Variants in WWOX observed in about 807,000 individuals in gnomAD.
The protein encoded by WWOX is WW domain containing oxidoreductase.
In WWOX, 69 loss-of-function variants were observed where a neutral mutation model predicts 46.2. The observed-to-expected ratio is 1.49, with a 90% confidence interval of 1.23 to 1.82. The LOEUF is 1.82. WWOX is among the 40% of genes most tolerant of loss of function. The pLI, the probability that WWOX is intolerant of heterozygous loss-of-function variation, is 0.00. For missense variants in WWOX, 919 were observed against 542.6 expected, an observed-to-expected ratio of 1.69 and a Z score of -6.89; for synonymous variants, 359 against 202.6, an observed-to-expected ratio of 1.77 and a Z score of -6.56.
At chr16:78,371,280 CTTT>C (rs1238632123) in intron 5 of WWOX, among the ~76,000 whole-genome samples, 2 of 152,136 alleles carry the variant, frequency 1.3e-5, no homozygotes, top group East Asian at 1.9e-4. Context: ...ATGGATATAA[CTTT>C]TTTAAGATGA....
intron 8 of WWOX, among the ~76,000 whole-genome samples, chr16:78,755,858 C>T (rs60462427): frequency 0.015 from 2,237 of 152,308 alleles, 48 homozygotes; most frequent in African/African-American, 0.05. Context: ...TTTTTCTCCT[C>T]CTCTATGCAC....
intron 8 of WWOX, among the ~76,000 whole-genome samples, chr16:78,755,173 G>A (rs1245744250): frequency 6.6e-6 from 1 of 150,852 alleles, no homozygotes; most frequent in Non-Finnish European, 1.5e-5. Context: ...TATGTAACAA[G>A]GCTGCATGTT....
intron 8 of WWOX, among the ~76,000 whole-genome samples, chr16:78,813,161 A>C (rs2051235530): frequency 6.6e-6 from 1 of 151,806 alleles, no homozygotes; most frequent in Admixed American, 6.6e-5. Flanking sequence ...AAAATTCAGC[A>C]TCTCAAATGT....
chr16:78,702,007 TTATATATATATATATATATA>T lies in WWOX; in HGVS notation c.1056+269274_1056+269293del, dbSNP rs869227421. ...GGAGACTAGCCTGGGCTACATAAAATTATATATATATATATATATATATATATATATATATATAAAATAAT... is the reference window on the plus strand; with the variant it reads ...GGAGACTAGCCTGGGCTACATAAAATTATATATATATATATATAAAATAAT... On this transcript the variant is annotated intron_variant, in intron 8 of 8. Transcript: ENST00000566780. Among the ~76,000 whole-genome samples the T allele has an allele frequency of 8.5e-4, 49 of 57,626 alleles. No homozygotes were observed. The South Asian group carries it at 0.011, about 13-fold the overall frequency. 37.8% of individuals were successfully genotyped at this position (57,626 alleles called of 152,430 possible). A position where few individuals can be genotyped will look rare whatever the true frequency, so the allele number is the denominator to read the frequency against.
At chr16:78,909,205 G>A (rs938421625) in intron 8 of WWOX, among the ~76,000 whole-genome samples, 1 of 152,168 alleles carries the variant, frequency 6.6e-6, no homozygotes, top group South Asian at 2.1e-4. Context: ...TGCAAAGGCT[G>A]TTTTAATAAC....
intron 8 of WWOX, among the ~76,000 whole-genome samples, chr16:78,845,021 G>A (rs1035395820): frequency 6.6e-6 from 1 of 152,148 alleles, no homozygotes. Flanking sequence ...CGGACACAGC[G>A]CAGTGAAGCG....
intron 8 of WWOX, among the ~76,000 whole-genome samples, chr16:78,465,878 CA>C: frequency 6.6e-6 from 1 of 152,110 alleles, no homozygotes; most frequent in Non-Finnish European, 1.5e-5. Context: ...GAGACTAACA[CA>C]TTAAACACTA....
chr16:78,456,867 G>A (rs961337710), intron 8 of WWOX, among the ~76,000 whole-genome samples: 15 of 152,214 alleles, frequency 9.9e-5, no homozygotes, highest in African/African-American at 3.6e-4. Context: ...AATTTGCAAT[G>A]CATCAGATGA....
chr16:78,492,123 G>A (rs893903336), intron 8 of WWOX, among the ~76,000 whole-genome samples: 24 of 152,272 alleles, frequency 1.6e-4, no homozygotes, highest in Non-Finnish European at 2.5e-4. Context: ...CACATGACAA[G>A]TAAATGAGCA....
At chr16:78,907,902 C>G (rs1053997157) in intron 8 of WWOX, among the ~76,000 whole-genome samples, 1 of 152,090 alleles carries the variant, frequency 6.6e-6, no homozygotes, top group South Asian at 2.1e-4. Flanking sequence ...ATGAATTCAC[C>G]AACTGCAAGG....
In WWOX at chr16:78,536,291, C is replaced by T. The variant is rs781733450; in HGVS notation, c.1056+103539C>T. Among the ~76,000 whole-genome samples, 70 of 151,964 alleles carry T rather than the reference C, an allele frequency of 4.6e-4. 1 individual carries two copies. Among genetic ancestry groups the T allele is most frequent in the Non-Finnish European group, 6.0e-4 (41 of 68,008 alleles). ...TTTAACCAAAGGTTGATTGGAGGGTCTGAGTTTCTCAGCTAAATGAAGGCA... is the reference window on the plus strand; with the variant it reads ...TTTAACCAAAGGTTGATTGGAGGGTTTGAGTTTCTCAGCTAAATGAAGGCA... On this transcript the variant is annotated intron_variant, in intron 8 of 8. Transcript: ENST00000566780.
chr16:78,302,169 C>G (rs2080053140), intron 5 of WWOX, among the ~76,000 whole-genome samples: 2 of 152,024 alleles, frequency 1.3e-5, no homozygotes, highest in Admixed American at 1.3e-4. Flanking sequence ...CCATGTTGGC[C>G]AGGCTGGTCT....
chr16:78,833,631 T>C (rs967543592), intron 8 of WWOX, among the ~76,000 whole-genome samples: 9 of 152,258 alleles, frequency 5.9e-5, no homozygotes, highest in Non-Finnish European at 1.0e-4. Context: ...TTCCTTTCTC[T>C]TGTGCATTAC....
intron 8 of WWOX, among the ~76,000 whole-genome samples, chr16:78,839,898 G>A (rs1187180687): frequency 6.6e-6 from 1 of 152,160 alleles, no homozygotes; most frequent in Non-Finnish European, 1.5e-5. Context: ...GAAGCCTTCA[G>A]GCAGGTAAGC....
chr16:78,917,912 G>A (rs1339332164), intron 8 of WWOX, among the ~76,000 whole-genome samples: 1 of 152,154 alleles, frequency 6.6e-6, no homozygotes. Flanking sequence ...TTAAGAAATT[G>A]TCATATAGGC....
intron 8 of WWOX, among the ~76,000 whole-genome samples, chr16:78,769,530 A>C (rs1181595648): frequency 1.5e-4 from 16 of 103,902 alleles, no homozygotes; most frequent in Admixed American, 2.2e-4. Flanking sequence ...CACCCCCCAC[A>C]TTATTTATTT....
At chr16:78,993,502 C>G (rs947155985) in intron 8 of WWOX, among the ~76,000 whole-genome samples, 1 of 152,144 alleles carries the variant, frequency 6.6e-6, no homozygotes, top group East Asian at 1.9e-4. Flanking sequence ...AATGACTAAT[C>G]AGCACGCAGG....
At chr16:79,113,953 C>T (rs1460485682) in intron 8 of WWOX, among the ~76,000 whole-genome samples, 3 of 152,174 alleles carry the variant, frequency 2.0e-5, no homozygotes, top group African/African-American at 7.2e-5. Flanking sequence ...CCAGCCACAA[C>T]GTGTTCTTGA....
chr16:78,573,112 C>T lies in WWOX; in HGVS notation c.1056+140360C>T, dbSNP rs1304270811. On this transcript the variant is annotated intron_variant, in intron 8 of 8. Coordinates refer to ENST00000566780, the MANE Select transcript of WWOX (RefSeq NM_016373.4). ...CACCCTGGCTAACATGATGAAACCC[C>T]GTCTGTACCAAAAATACAAAAAATT... Among the ~76,000 whole-genome samples the T allele has an allele frequency of 3.9e-5, 6 of 152,016 alleles. No homozygotes were observed. In the South Asian group the frequency reaches 8.3e-4, roughly 21 times the overall value.
Sources: allele counts gnomAD v4.1 joint callset (sites outside exome capture counted in the v4.1 genomes callset), GRCh38; gene constraint gnomAD v4.1.1; transcripts MANE v1.5; gene names NCBI Gene and HGNC (gene_info 2026-07-23, HGNC 2026-07-21).